Variants in RIT2 observed in about 807,000 individuals in gnomAD.
RIT2 encodes Ras like without CAAX 2, also known as GTP-binding protein Rit2.
In RIT2, 24 loss-of-function variants were observed where a neutral mutation model predicts 23.7. That is an observed-to-expected ratio of 1.01 (90% CI 0.73 to 1.43). The LOEUF is 1.43. Ranked by LOEUF, RIT2 falls within the 40% of genes most tolerant of loss-of-function variation. The pLI is 0.00. For synonymous variants in RIT2, 107 were observed against 91.1 expected (o/e 1.17, Z -0.99); for missense variants, 236 against 266.9 (o/e 0.88, Z 0.81).
Position 42,779,464 on chromosome 18 carries a change from T to TA in RIT2, c.427-35745dup, listed in dbSNP as rs907104265. ...TTTTCAATTAGCTCACCCCGGTGGT[T>TA]AAAAATCTCCCAGCTTTTTTTGCAG... On this transcript the variant is annotated intron_variant, in intron 4 of 4. Coordinates refer to ENST00000326695, the MANE Select transcript of RIT2 (RefSeq NM_002930.4). Among the ~76,000 whole-genome samples, 13 of 152,298 alleles carry TA rather than the reference T, an allele frequency of 8.5e-5. No individual in the cohort carries two copies. In the East Asian group the frequency reaches 2.5e-3, roughly 29 times the overall value.
At chr18:42,882,824 G>A (rs2144081723) in intron 4 of RIT2, among the ~76,000 whole-genome samples, 1 of 152,256 alleles carries the variant, frequency 6.6e-6, no homozygotes. Context: ...TACAGACTAT[G>A]GGAATGGTGC....
intron 4 of RIT2, among the ~76,000 whole-genome samples, chr18:42,786,418 A>G (rs1913923675): frequency 6.6e-6 from 1 of 152,180 alleles, no homozygotes; most frequent in Middle Eastern, 3.2e-3. Flanking sequence ...TTACATCACT[A>G]CCATTATGCC....
chr18:43,005,155 A>G (rs184830078), intron 2 of RIT2, among the ~76,000 whole-genome samples: 33 of 151,868 alleles, frequency 2.2e-4, no homozygotes, highest in Non-Finnish European at 3.1e-4. Context: ...AGCTAATTCT[A>G]TCTCATCTCC....
intron 4 of RIT2, among the ~76,000 whole-genome samples, chr18:42,828,811 T>C (rs1307300249): frequency 1.3e-5 from 2 of 152,242 alleles, no homozygotes; most frequent in African/African-American, 4.8e-5. Context: ...CATGCTTCTC[T>C]TGTTGCCTAA....
chr18:43,048,051 G>A (rs905010573), intron 1 of RIT2, among the ~76,000 whole-genome samples: 14 of 152,188 alleles, frequency 9.2e-5, no homozygotes, highest in African/African-American at 3.4e-4. Flanking sequence ...ATCAAATTTG[G>A]AATCACTAAA....
At chr18:42,833,628 A>G (rs1382723754) in intron 4 of RIT2, among the ~76,000 whole-genome samples, 29 of 152,176 alleles carry the variant, frequency 1.9e-4, no homozygotes, top group Admixed American at 1.9e-3. Flanking sequence ...AGTAACTTCA[A>G]AGTTACAGAT....
At chr18:42,808,169 C>T (rs1379856392) in intron 4 of RIT2, among the ~76,000 whole-genome samples, 3 of 152,180 alleles carry the variant, frequency 2.0e-5, no homozygotes, top group Non-Finnish European at 4.4e-5. Flanking sequence ...AGCATCCATT[C>T]TCTCGCCTCA....
chr18:43,004,832 T>G (rs1235829772), intron 2 of RIT2, among the ~76,000 whole-genome samples: 1 of 151,906 alleles, frequency 6.6e-6, no homozygotes, highest in Non-Finnish European at 1.5e-5. Context: ...GGCTATTATA[T>G]TCCTATTAGA....
At chr18:43,011,457 G>T (rs1178955016) in intron 2 of RIT2, among the ~76,000 whole-genome samples, 1 of 151,642 alleles carries the variant, frequency 6.6e-6, no homozygotes, top group South Asian at 2.1e-4. Flanking sequence ...TTTGGGCATG[G>T]ATTGCACAGT....
At chr18:42,918,814 T>C (rs1161813145) in intron 4 of RIT2, among the ~76,000 whole-genome samples, 1 of 152,060 alleles carries the variant, frequency 6.6e-6, no homozygotes. Flanking sequence ...GGTTTCTTTC[T>C]TCCTCTCTAG....
intron 4 of RIT2, among the ~76,000 whole-genome samples, chr18:42,770,750 G>A (rs1474210471): frequency 1.3e-5 from 2 of 151,020 alleles, no homozygotes; most frequent in Admixed American, 6.6e-5. Flanking sequence ...ATGTCTGTGA[G>A]TTGAGACTGT....
At chr18:42,966,394 T>A (rs1910225161) in intron 3 of RIT2, among the ~76,000 whole-genome samples, 1 of 152,208 alleles carries the variant, frequency 6.6e-6, no homozygotes, top group African/African-American at 2.4e-5. Context: ...CTTTAGAGAA[T>A]CTTGGTAGTC....
chr18:43,112,313 T>C (rs1283762885), intron 1 of RIT2, among the ~76,000 whole-genome samples: 2 of 152,086 alleles, frequency 1.3e-5, no homozygotes, highest in Non-Finnish European at 2.9e-5. Flanking sequence ...ATCTGTGAAA[T>C]AGAAATACCG....
At chr18:43,049,978 T>G (rs1598761761) in intron 1 of RIT2, among the ~76,000 whole-genome samples, 1 of 19,734 alleles carries the variant, frequency 5.1e-5, no homozygotes, top group African/African-American at 8.7e-5. Flanking sequence ...TTTCCTTTTT[T>G]TTTTTTTTTT....
At chr18:42,920,670 A>C in intron 4 of RIT2, 1 of 1,520,488 alleles carries the variant, frequency 6.6e-7, no homozygotes. Context: ...CCCAAAATGC[A>C]TTAAGAATAC....
At chr18:43,077,480 T>G (rs2144343356) in intron 1 of RIT2, among the ~76,000 whole-genome samples, 1 of 152,250 alleles carries the variant, frequency 6.6e-6, no homozygotes, top group South Asian at 2.1e-4. Flanking sequence ...GAAAAACATC[T>G]TCATGTTGAG....
rs962872061 is a variant in RIT2, at chr18:42,923,688, G to A, written c.310C>T (p.Arg104Cys). The change falls in exon 4 of 5, where the codon CGT becomes TGT. Residue 104 changes from arginine (R) to cysteine (C), a missense_variant. Arg to Cys is a radical substitution (Grantham distance 180). Transcript: ENST00000326695. ...TTGGCAGCCTCCTGAAATGATTGAC[G>A]GTCAGTGACGGAGTAGCAGATGATG... ...GFIICYSVTD[R>C]QSFQEAAKFK... 19 of 1,612,860 alleles carry A rather than the reference G, an allele frequency of 1.2e-5. No homozygotes were observed. The highest frequency in any genetic ancestry group is 4.0e-5 in the African/African-American group (3 of 74,610).
chr18:43,032,303 C>T (rs1008373786), intron 2 of RIT2, among the ~76,000 whole-genome samples: 1 of 151,930 alleles, frequency 6.6e-6, no homozygotes, highest in African/African-American at 2.4e-5. Flanking sequence ...CATCTACTGC[C>T]CTGTTCAAGC....
intron 4 of RIT2, among the ~76,000 whole-genome samples, chr18:42,797,484 G>T (rs1169806851): frequency 6.6e-6 from 1 of 151,918 alleles, no homozygotes; most frequent in Non-Finnish European, 1.5e-5. Context: ...ATCATATTAT[G>T]CAGTTTAATT....
Sources: allele counts gnomAD v4.1 joint callset (sites outside exome capture counted in the v4.1 genomes callset), GRCh38; gene constraint gnomAD v4.1.1; transcripts MANE v1.5; gene names NCBI Gene and HGNC (gene_info 2026-07-23, HGNC 2026-07-21).